THOC5: variants seen among roughly 807,000 people sequenced by gnomAD.
THOC5 encodes the protein THO complex subunit 5.
In THOC5, 43 loss-of-function variants were observed where a neutral mutation model predicts 92.9. That is an observed-to-expected ratio of 0.46 (90% CI 0.36 to 0.60). THOC5 has a LOEUF of 0.60. Among genes scored for constraint, THOC5 ranks in the 20% least tolerant of loss-of-function variants. THOC5 has a pLI of 0.00. For missense variants in THOC5, 659 were observed against 849.4 expected (o/e 0.78, Z 2.79); for synonymous variants, 296 against 320.1 (o/e 0.92, Z 0.80).
intron 6 of THOC5, 137 bp downstream of exon 6, chr22:29,539,193 A>G: frequency 2.4e-6 from 2 of 835,768 alleles, no homozygotes; most frequent in Non-Finnish European, 3.7e-6. Flanking sequence ...TAAACTATCC[A>G]GTGTGATTTA....
intron 1 of THOC5, chr22:29,550,877 T>C (rs932579752): frequency 9.9e-5 from 15 of 152,194 alleles, no homozygotes; most frequent in African/African-American, 3.6e-4. Flanking sequence ...TCAATTCTTA[T>C]TTTGAAACTT....
intron 12 of THOC5, 130 bp downstream of exon 12, chr22:29,525,707 TG>T: frequency 1.6e-6 from 1 of 612,508 alleles, no homozygotes; most frequent in Non-Finnish European, 2.9e-6. Flanking sequence ...CTGGTCCATC[TG>T]GATACAAGAC....
chr22:29,549,464 C>A (rs758848522), intron 1 of THOC5, among the ~76,000 whole-genome samples: 2 of 152,190 alleles, frequency 1.3e-5, no homozygotes, highest in Non-Finnish European at 2.9e-5. Context: ...GACCTGCATT[C>A]AAGTGTTCAC....
In THOC5 at chr22:29,521,014, G is replaced by T. The variant is rs1255003668; in HGVS notation, c.1261C>A (p.Gln421Lys). The T allele has an allele frequency of 6.2e-7, 1 of 1,613,978 alleles. No individual in the cohort carries two copies. Among genetic ancestry groups the T allele is most frequent in the South Asian group, 1.1e-5 (1 of 91,070 alleles). ...KKTPNPANQY[Q>K]FDKVGILTLS... is the part of the protein sequence containing the mutation. ...CTGACTCACCCAACTTTATCAAACT[G>T]ATACTGATTGGCTGGATTCGGAGTT... Residue 421 changes from glutamine to lysine, a missense_variant, in exon 13 of 20, where the codon CAG (glutamine) becomes AAG (lysine). Gln to Lys is a moderately conservative substitution (Grantham distance 53, BLOSUM62 1). Coordinates refer to ENST00000490103, the MANE Select transcript of THOC5 (RefSeq NM_003678.5).
intron 8 of THOC5, chr22:29,531,095 G>A: frequency 1.7e-6 from 2 of 1,188,540 alleles, no homozygotes; most frequent in Non-Finnish European, 2.1e-6. Context: ...AGGGGGCTGG[G>A]AGGATTTCAT....
At chr22:29,538,800 GGAAAA>G (rs1464193437) in intron 6 of THOC5, among the ~76,000 whole-genome samples, 1 of 32,988 alleles carries the variant, frequency 3.0e-5, no homozygotes, top group African/African-American at 1.1e-4. Context: ...CCATCTCTTT[GGAAAA>G]AAAAAAAAAA....
At chr22:29,540,759 A>G (rs1486005361) in intron 5 of THOC5, among the ~76,000 whole-genome samples, 3 of 152,246 alleles carry the variant, frequency 2.0e-5, no homozygotes, top group Non-Finnish European at 2.9e-5. Context: ...CCTTCACCCA[A>G]TGATACTATC....
chr22:29,531,535 G>T, intron 8 of THOC5: 1 of 1,137,714 alleles, frequency 8.8e-7, no homozygotes, highest in Non-Finnish European at 1.1e-6. Flanking sequence ...GCCTTGATGG[G>T]GTGAGCACCT....
intron 12 of THOC5, 150 bp from the exon 13 acceptor site, chr22:29,521,249 G>A: frequency 3.1e-6 from 2 of 635,054 alleles, no homozygotes; most frequent in South Asian, 3.7e-5. Flanking sequence ...CCGTTTATAT[G>A]CTTGAGGTCA....
intron 2 of THOC5, among the ~76,000 whole-genome samples, chr22:29,547,495 T>A (rs1290349709): frequency 1.3e-5 from 2 of 152,144 alleles, no homozygotes; most frequent in African/African-American, 2.4e-5. Context: ...CCCGAGTAGC[T>A]GGGATTACAG....
Position 29,549,091 on chromosome 22 carries a change from G to A in THOC5, c.57C>T (p.Ala19=). 6.2e-7 allele frequency: 1 copy of A among 1,614,078 alleles called. No homozygotes were observed. The highest frequency in any genetic ancestry group is 8.5e-7 in the Non-Finnish European group (1 of 1,180,032). Reference sequence around the variant, plus strand: ...ATCGATTCCGCTTTCCTTCAGCTGGGGCTCCATCGCTTCGGATCACTTTGG... The same window carrying A: ...ATCGATTCCGCTTTCCTTCAGCTGGAGCTCCATCGCTTCGGATCACTTTGG... ...RKPKVIRSDG[A]PAEGKRNRSD... is the part of the protein sequence containing the mutation. The change falls in exon 2 of 20, where the codon GCC becomes GCT. Residue 19 remains alanine, a synonymous_variant. Coordinates refer to ENST00000490103, the MANE Select transcript of THOC5 (RefSeq NM_003678.5).
chr22:29,546,227 C>A lies in THOC5; in HGVS notation c.97-1624G>T, dbSNP rs1353914842. On this transcript the variant is annotated intron_variant, in intron 2 of 19. Coordinates refer to ENST00000490103, the MANE Select transcript of THOC5 (RefSeq NM_003678.5). ...TAGCACAGGGACCCTGGGCCTGGCCCAGAAAACCACTTTTTCCTCCTGGGC... is the reference window on the plus strand; with the variant it reads ...TAGCACAGGGACCCTGGGCCTGGCCAAGAAAACCACTTTTTCCTCCTGGGC... 3.3e-5 allele frequency among the ~76,000 whole-genome samples: 5 copies of A among 152,084 alleles called. No homozygotes were observed. In the East Asian group the frequency reaches 9.7e-4, roughly 29 times the overall value.
intron 2 of THOC5, chr22:29,545,139 AATG>A: frequency 2.4e-6 from 1 of 412,104 alleles, no homozygotes. Context: ...GCAAGAGAAA[AATG>A]AGGAGGAAGC....
At chr22:29,521,631 C>G (rs994591195) in intron 12 of THOC5, among the ~76,000 whole-genome samples, 5 of 152,104 alleles carry the variant, frequency 3.3e-5, no homozygotes, top group African/African-American at 9.7e-5. Flanking sequence ...AGGAAAAGGC[C>G]CCCTGTATGT....
At chr22:29,519,170 C>T (rs2063390290) in intron 14 of THOC5, 50 bp from the exon 15 acceptor site, 1 of 1,290,640 alleles carries the variant, frequency 7.7e-7, no homozygotes, top group Non-Finnish European at 1.1e-6. Flanking sequence ...ATCCCTTCCT[C>T]CGGGCACCAT....
chr22:29,520,688 G>C (rs1190544558), intron 13 of THOC5, among the ~76,000 whole-genome samples: 1 of 152,082 alleles, frequency 6.6e-6, no homozygotes, highest in Non-Finnish European at 1.5e-5. Context: ...TAGAGACAGG[G>C]TTTTGCCATG....
chr22:29,549,190 C>T, intron 1 of THOC5, 32 bp from the exon 2 acceptor site: 5 of 1,598,054 alleles, frequency 3.1e-6, no homozygotes, highest in Non-Finnish European at 4.3e-6. Flanking sequence ...TGAGATTCTT[C>T]TGGAGTCATA....
chr22:29,543,374 A>T, intron 4 of THOC5, 55 bp downstream of exon 4: 32 of 975,338 alleles, frequency 3.3e-5, no homozygotes, highest in Non-Finnish European at 4.7e-5. Flanking sequence ...AAAAAAAAAG[A>T]AGGGGATGGG....
At chr22:29,524,387 G>A (rs2063502838) in intron 12 of THOC5, among the ~76,000 whole-genome samples, 1 of 152,090 alleles carries the variant, frequency 6.6e-6, no homozygotes, top group South Asian at 2.1e-4. Flanking sequence ...CCCTGGGAGG[G>A]GATATTACAA....
Sources: allele counts gnomAD v4.1 joint callset (sites outside exome capture counted in the v4.1 genomes callset), GRCh38; gene constraint gnomAD v4.1.1; transcripts MANE v1.5; gene names NCBI Gene and HGNC (gene_info 2026-07-23, HGNC 2026-07-21).